The following STK3 variants were observed in gnomAD, a reference collection of about 807,000 sequenced individuals.
STK3 encodes serine/threonine-protein kinase 3.
A neutral mutation model predicts 58.0 loss-of-function variants in STK3; 41 were observed. The ratio of observed to expected loss-of-function variants is 0.71; its 90% CI spans 0.55 to 0.92. STK3 has a LOEUF of 0.92. STK3 is among the 40% of genes least tolerant of loss of function. STK3 has a pLI of 0.00. For missense variants in STK3, 479 were observed against 602.7 expected (o/e 0.79, Z 2.15); for synonymous variants, 170 against 191.0 (o/e 0.89, Z 0.91).
chr8:98,868,325 AAGG>A (rs1837223180), intron 3 of STK3, among the ~76,000 whole-genome samples: 1 of 152,200 alleles, frequency 6.6e-6, no homozygotes, highest in South Asian at 2.1e-4. Context: ...CCCACAGCCG[AAGG>A]AGAAAGATCA....
intron 3 of STK3, among the ~76,000 whole-genome samples, chr8:98,412,225 C>T (rs979609024): frequency 6.6e-6 from 1 of 152,154 alleles, no homozygotes; most frequent in Admixed American, 6.6e-5. Context: ...TACATAAATC[C>T]TAGCTAACCT....
chr8:98,765,815 T>C (rs774408055), intron 3 of STK3, among the ~76,000 whole-genome samples: 5 of 152,238 alleles, frequency 3.3e-5, no homozygotes, highest in Admixed American at 6.5e-5. Context: ...AATCCCTCTG[T>C]GGTTAAGTAA....
intron 7 of STK3, among the ~76,000 whole-genome samples, chr8:98,594,174 G>C (rs1815596513): frequency 6.6e-6 from 1 of 152,120 alleles, no homozygotes; most frequent in Non-Finnish European, 1.5e-5. Flanking sequence ...GGATGTGGTG[G>C]CATGCATCTG....
intron 1 of STK3, among the ~76,000 whole-genome samples, chr8:98,893,479 AAAGAAAG>A (rs1838307487): frequency 4.3e-5 from 3 of 69,744 alleles, no homozygotes; most frequent in African/African-American, 1.2e-4. Flanking sequence ...AGAAAGAAAG[AAAGAAAG>A]AGAAAGAAAG....
chr8:98,683,377 A>G (rs973620645), intron 6 of STK3, among the ~76,000 whole-genome samples: 1 of 152,074 alleles, frequency 6.6e-6, no homozygotes, highest in Non-Finnish European at 1.5e-5. Flanking sequence ...ATTTTAAGAA[A>G]GAAAAATCTG....
chr8:98,883,434 C>G (rs1199883626), downstream of STK3: 1 of 491,198 alleles, frequency 2.0e-6, no homozygotes, highest in Non-Finnish European at 3.7e-6. Context: ...AAAATTTCAT[C>G]GAAACTATCT....
At chr8:98,466,011 C>T (rs1401575905) in intron 10 of STK3, among the ~76,000 whole-genome samples, 1 of 152,136 alleles carries the variant, frequency 6.6e-6, no homozygotes, top group Admixed American at 6.5e-5. Flanking sequence ...ATTTAAGTAA[C>T]TCAAAAGCAA....
At position 98,587,348 on chromosome 8, in the gene STK3, G is replaced by A. The variant is rs768076727; in HGVS notation, c.823-7559C>T. ...ACATCTTTATTTCTGCCTTCATTTC[G>A]TTATGTACCCAGTAGTCATTCAGGA... is the stretch of plus-strand genomic sequence containing the variant. On this transcript the variant is annotated intron_variant, in intron 7 of 10. Transcript: ENST00000419617. 7.2e-3 allele frequency among the ~76,000 whole-genome samples: 1,092 copies of A among 151,808 alleles called. 9 individuals are homozygous for A. Among genetic ancestry groups the A allele is most frequent in the Non-Finnish European group, 0.011 (717 of 67,938 alleles).
intron 3 of STK3, among the ~76,000 whole-genome samples, chr8:98,845,057 T>C (rs780827988): frequency 1.1e-4 from 17 of 152,204 alleles, no homozygotes; most frequent in Non-Finnish European, 2.2e-4. Context: ...CTCTGGTTCT[T>C]ATCCTCTCTG....
intron 1 of STK3, among the ~76,000 whole-genome samples, chr8:98,931,673 GC>G (rs1475250528): frequency 6.6e-6 from 1 of 152,110 alleles, no homozygotes; most frequent in Non-Finnish European, 1.5e-5. Flanking sequence ...TTGCTGACTG[GC>G]CCCGCCCTAA....
intron 1 of STK3, among the ~76,000 whole-genome samples, chr8:98,814,074 G>A (rs1411067600): frequency 3.3e-5 from 5 of 151,998 alleles, no homozygotes; most frequent in African/African-American, 7.2e-5. Flanking sequence ...TTTTTGAGAC[G>A]GAGTCTCACT....
intron 4 of STK3, among the ~76,000 whole-genome samples, chr8:98,723,600 A>G (rs994942676): frequency 3.9e-5 from 6 of 152,160 alleles, no homozygotes; most frequent in Admixed American, 2.6e-4. Flanking sequence ...TAATTTTCTA[A>G]TAAGTCTTTC....
intron 2 of STK3, among the ~76,000 whole-genome samples, chr8:98,374,353 T>A (rs950807414): frequency 9.9e-5 from 15 of 152,020 alleles, no homozygotes; most frequent in Non-Finnish European, 2.1e-4. Flanking sequence ...ACCACTCATA[T>A]CTGGTGGCTT....
upstream of STK3, among the ~76,000 whole-genome samples, chr8:98,389,395 C>T (rs1284297474): frequency 6.6e-6 from 1 of 152,210 alleles, no homozygotes; most frequent in Non-Finnish European, 1.5e-5. Flanking sequence ...CTCCCCTCCA[C>T]CAGAAGTCTA....
At chr8:98,641,272 A>T (rs1339333783) in intron 6 of STK3, among the ~76,000 whole-genome samples, 1 of 152,148 alleles carries the variant, frequency 6.6e-6, no homozygotes, top group Non-Finnish European at 1.5e-5. Context: ...AGTGTTTATT[A>T]AGCTCAAGAT....
intron 4 of STK3, among the ~76,000 whole-genome samples, chr8:98,714,001 A>G (rs902024431): frequency 1.3e-5 from 2 of 152,242 alleles, no homozygotes; most frequent in African/African-American, 2.4e-5. Context: ...AACATAATCC[A>G]GCATATAAAC....
chr8:98,842,456 G>A (rs562221633), intron 3 of STK3, among the ~76,000 whole-genome samples: 1 of 152,280 alleles, frequency 6.6e-6, no homozygotes, highest in Non-Finnish European at 1.5e-5. Context: ...CAGGCAGACC[G>A]TTAGAACTCA....
At chr8:98,571,934 T>TA (rs1372484427) in intron 8 of STK3, among the ~76,000 whole-genome samples, 7 of 152,188 alleles carry the variant, frequency 4.6e-5, no homozygotes, top group Non-Finnish European at 8.8e-5. Context: ...ATCAGTCTTT[T>TA]AAAGTGCTTT....
chr8:98,412,360 C>T (rs886693990), intron 3 of STK3, among the ~76,000 whole-genome samples: 3 of 152,186 alleles, frequency 2.0e-5, no homozygotes, highest in African/African-American at 7.2e-5. Flanking sequence ...CTTTCCTCTG[C>T]CTTTGCTGCA....
Sources: allele counts gnomAD v4.1 joint callset (sites outside exome capture counted in the v4.1 genomes callset), GRCh38; gene constraint gnomAD v4.1.1; transcripts MANE v1.5; gene names NCBI Gene and HGNC (gene_info 2026-07-23, HGNC 2026-07-21).